The following VAMP7 variants were observed in gnomAD, a reference collection of about 807,000 sequenced individuals.
VAMP7 encodes the protein vesicle associated membrane protein 7, also known as vesicle-associated membrane protein 7.
In VAMP7, 14 loss-of-function variants were observed where a neutral mutation model predicts 29.6. The observed-to-expected ratio is 0.47, with a 90% CI of 0.31 to 0.74. The LOEUF (loss-of-function observed/expected upper bound fraction) is 0.74, where lower values mean the gene tolerates loss of function less well. Among genes scored for constraint, VAMP7 ranks in the 30% least tolerant of loss-of-function variants. The pLI is 0.05. For synonymous variants in VAMP7, 95 were observed against 88.1 expected, an observed-to-expected ratio of 1.08 and a Z score of -0.44; for missense variants, 223 against 262.4, an observed-to-expected ratio of 0.85 and a Z score of 1.04.
intron 5 of VAMP7, among the ~76,000 whole-genome samples, chrX:155,903,155 G>A (rs1448333798): frequency 7.9e-5 from 12 of 152,088 alleles, no homozygotes; most frequent in East Asian, 7.7e-4. Context: ...GTTTATTTGC[G>A]TAGAGGTGTT....
At chrX:155,902,079 G>T (rs2066071128) in intron 5 of VAMP7, among the ~76,000 whole-genome samples, 1 of 152,064 alleles carries the variant, frequency 6.6e-6, no homozygotes, top group Non-Finnish European at 1.5e-5. Context: ...CCTTGAAGTG[G>T]TCCTTCACAT....
chrX:155,923,915 T>C (rs1205726475), intron 6 of VAMP7, among the ~76,000 whole-genome samples: 2 of 152,182 alleles, frequency 1.3e-5, no homozygotes, highest in African/African-American at 4.8e-5. Context: ...GTCCTGTGTA[T>C]GTTTCATCTT....
chrX:155,901,625 G>A lies in VAMP7; in HGVS notation c.433+1038G>A, dbSNP rs2066063768. ...TTTTCCCAGCACCATTTATTAAATA[G>A]GGAATCCTTTCCCCATTGCTTGTTT... On this transcript the variant is annotated intron_variant, in intron 5 of 7. Transcript: ENST00000286448. 2.0e-5 allele frequency among the ~76,000 whole-genome samples: 3 copies of A among 152,110 alleles called. No individual in the cohort carries two copies. The South Asian group carries it at 6.2e-4, about 32-fold the overall frequency.
At chrX:155,934,152 G>A (rs2066610434) in intron 6 of VAMP7, among the ~76,000 whole-genome samples, 1 of 152,150 alleles carries the variant, frequency 6.6e-6, no homozygotes, top group Admixed American at 6.5e-5. Flanking sequence ...AGTGCGATGT[G>A]GTGCTGAGAA....
chrX:155,937,700 G>A (rs1396238005), intron 6 of VAMP7, among the ~76,000 whole-genome samples: 1 of 152,070 alleles, frequency 6.6e-6, no homozygotes, highest in East Asian at 1.9e-4. Context: ...ATTCAAGTCT[G>A]TCTTATTTGG....
In VAMP7 at chrX:155,939,772, TATC is replaced by T. The variant is rs751331623; in HGVS notation, c.583_585del (p.Ile195del). 5.6e-6 allele frequency: 9 copies of T among 1,613,502 alleles called. No individual in the cohort carries two copies. Among genetic ancestry groups the T allele is most frequent in the East Asian group, 4.5e-5 (2 of 44,878 alleles). On this transcript the variant is annotated inframe_deletion, in exon 7 of 8. Transcript: ENST00000286448. Reference sequence around the variant, plus strand: ...GTATGAAGAACCTCAAGCTCACTATTATCATCATCATCGTATCAATTGTAAGTT... The same window carrying T: ...GTATGAAGAACCTCAAGCTCACTATTATCATCATCGTATCAATTGTAAGTT...
chrX:155,939,086 T>G (rs2066704937), intron 6 of VAMP7, among the ~76,000 whole-genome samples: 1 of 94 alleles, frequency 0.011, no homozygotes, highest in Non-Finnish European at 0.02. Context: ...TGCATACATC[T>G]GTGGGACCAT....
intron 2 of VAMP7, among the ~76,000 whole-genome samples, chrX:155,892,662 G>A (rs1444845850): frequency 1.3e-5 from 2 of 151,958 alleles, no homozygotes; most frequent in Non-Finnish European, 2.9e-5. Context: ...TTAACACTGA[G>A]TCAGGCACCG....
chrX:155,928,972 A>G (rs2066509765), intron 6 of VAMP7, among the ~76,000 whole-genome samples: 1 of 152,192 alleles, frequency 6.6e-6, no homozygotes, highest in African/African-American at 2.4e-5. Context: ...TTTGTAGTAT[A>G]TCCTCACACA....
intron 5 of VAMP7, among the ~76,000 whole-genome samples, chrX:155,905,952 G>C (rs1177413608): frequency 7.2e-6 from 1 of 139,742 alleles, no homozygotes; most frequent in Admixed American, 7.6e-5. Context: ...TTTTGATAGG[G>C]ATTGTGTTGA....
At chrX:155,927,283 G>A (rs2066481549) in intron 6 of VAMP7, among the ~76,000 whole-genome samples, 1 of 151,778 alleles carries the variant, frequency 6.6e-6, no homozygotes, top group South Asian at 2.1e-4. Context: ...ACGGGTTGAT[G>A]GGTACAGCAA....
chrX:155,943,490 T>C lies in VAMP7; in HGVS notation c.*1539T>C, dbSNP rs2066776837. The C allele has an allele frequency of 6.6e-6, 1 of 152,550 alleles. No homozygotes were observed. The highest frequency in any genetic ancestry group is 1.5e-5 in the Non-Finnish European group (1 of 68,020). 9.4% of individuals were successfully genotyped at this position (152,550 alleles called of 1,614,324 possible). On this transcript the variant is annotated 3_prime_UTR_variant, in exon 8 of 8. Transcript: ENST00000286448. ...CTTCTTTATCAACACTAATGCCTCT[T>C]AATTGCATCAGTATTTCCTATTGGA...
intron 2 of VAMP7, among the ~76,000 whole-genome samples, chrX:155,894,548 T>C (rs1031889728): frequency 6.6e-6 from 1 of 152,038 alleles, no homozygotes; most frequent in African/African-American, 2.4e-5. Flanking sequence ...ATCTATTAGG[T>C]GCTGTTTTAC....
At chrX:155,928,135 C>G (rs1228051698) in intron 6 of VAMP7, among the ~76,000 whole-genome samples, 1 of 151,964 alleles carries the variant, frequency 6.6e-6, no homozygotes, top group Non-Finnish European at 1.5e-5. Flanking sequence ...GTTGCTCTGG[C>G]TGGTCTCAAA....
At chrX:155,930,563 T>A (rs191733820) in intron 6 of VAMP7, among the ~76,000 whole-genome samples, 1 of 151,580 alleles carries the variant, frequency 6.6e-6, no homozygotes, top group Non-Finnish European at 1.5e-5. Flanking sequence ...AGATGGAGAA[T>A]TGCTTGAACC....
At chrX:155,906,171 G>C (rs1226856805) in intron 5 of VAMP7, among the ~76,000 whole-genome samples, 2 of 152,034 alleles carry the variant, frequency 1.3e-5, no homozygotes, top group Non-Finnish European at 1.5e-5. Flanking sequence ...TCTCATCCTC[G>C]GGCTCTGTCC....
At chrX:155,891,839 A>C (rs2065928526) in intron 2 of VAMP7, among the ~76,000 whole-genome samples, 1 of 152,216 alleles carries the variant, frequency 6.6e-6, no homozygotes, top group South Asian at 2.1e-4. Context: ...TCTTGCTGCC[A>C]GCGTAGGTTT....
chrX:155,933,929 G>C (rs945344664), intron 6 of VAMP7, among the ~76,000 whole-genome samples: 22 of 152,122 alleles, frequency 1.4e-4, no homozygotes, highest in South Asian at 8.3e-4. Flanking sequence ...CAAAGAACAT[G>C]TTTATTTCTG....
rs182717359 is a variant in VAMP7, at chrX:155,895,952, C to T, written c.204+272C>T. On this transcript the variant is annotated intron_variant, in intron 3 of 7. Transcript: ENST00000286448. ...GCATCCGAGGGATCTAAATTGCATG[C>T]TCCTTAGGAGAATCTAATGCCTGAT... Among the ~76,000 whole-genome samples, 548 of 152,240 alleles carry T rather than the reference C, an allele frequency of 3.6e-3. 3 individuals carry two copies. The highest frequency in any genetic ancestry group is 6.8e-3 in the Middle Eastern group (2 of 294).
Sources: gnomAD v4.1 joint callset for allele counts (sites outside exome capture counted in the v4.1 genomes callset) on GRCh38, gnomAD v4.1.1 for gene constraint, MANE v1.5 for transcripts, NCBI Gene and HGNC (gene_info 2026-07-23, HGNC 2026-07-21) for gene names.